DLG2: variants seen among roughly 807,000 people sequenced by gnomAD.
The protein encoded by DLG2 is discs large MAGUK scaffold protein 2.
Under a neutral mutation model 132.5 loss-of-function variants are expected in DLG2, and 45 were observed. The ratio of observed to expected loss-of-function variants is 0.34; its 90% CI spans 0.27 to 0.44. The LOEUF is 0.44. Ranked by LOEUF, DLG2 falls within the 20% of genes least tolerant of loss-of-function variation. The pLI is 1.00. For synonymous variants in DLG2, 424 were observed against 419.6 expected, an observed-to-expected ratio of 1.01 and a Z score of -0.13; for missense variants, 1,045 against 1,196.9, an observed-to-expected ratio of 0.87 and a Z score of 1.87.
intron 6 of DLG2, among the ~76,000 whole-genome samples, chr11:85,048,824 T>G (rs991678227): frequency 5.9e-5 from 9 of 152,010 alleles, no homozygotes; most frequent in African/African-American, 2.2e-4. Flanking sequence ...CATACTTAAA[T>G]TAAAACTATG....
At chr11:83,699,976 G>A (rs1457223194) in intron 18 of DLG2, among the ~76,000 whole-genome samples, 1 of 147,512 alleles carries the variant, frequency 6.8e-6, no homozygotes, top group African/African-American at 2.5e-5. Context: ...AATACAGTTT[G>A]CTGCATTTGC....
intron 6 of DLG2, among the ~76,000 whole-genome samples, chr11:85,049,797 A>C (rs528184590): frequency 1.3e-5 from 2 of 152,188 alleles, no homozygotes; most frequent in African/African-American, 4.8e-5. Flanking sequence ...TCCAGCATAT[A>C]AAGAGATGTA....
At chr11:84,641,168 A>AT (rs1425890499) in intron 6 of DLG2, among the ~76,000 whole-genome samples, 1 of 152,120 alleles carries the variant, frequency 6.6e-6, no homozygotes, top group East Asian at 1.9e-4. Context: ...TGCTTTCTGA[A>AT]TTTTAATCCC....
rs545722861 is a variant in DLG2, at chr11:85,497,788, G to C, written c.40+100869C>G. ...GGAGTCAATATTCAACATTCTTAAA[G>C]AAAAGAATTTTCAATCCAGAATTTC... On this transcript the variant is annotated intron_variant, in intron 3 of 27. Coordinates refer to ENST00000376104, the MANE Select transcript of DLG2 (RefSeq NM_001142699.3). Among the ~76,000 whole-genome samples the C allele has an allele frequency of 2.6e-5, 4 of 152,272 alleles. No homozygotes were observed. In the East Asian group the frequency reaches 5.8e-4, roughly 22 times the overall value.
intron 3 of DLG2, among the ~76,000 whole-genome samples, chr11:85,463,323 T>G (rs187692805): frequency 1.3e-5 from 2 of 152,236 alleles, no homozygotes; most frequent in Non-Finnish European, 2.9e-5. Context: ...GGCAATACTG[T>G]ATTTTTCTTG....
intron 19 of DLG2, among the ~76,000 whole-genome samples, chr11:83,556,463 C>T (rs1473948836): frequency 1.3e-5 from 2 of 151,780 alleles, no homozygotes; most frequent in African/African-American, 2.4e-5. Context: ...ACCTCCACCT[C>T]CCGGGTTCAA....
intron 15 of DLG2, among the ~76,000 whole-genome samples, chr11:83,905,167 A>G (rs1819097244): frequency 6.6e-6 from 1 of 152,192 alleles, no homozygotes; most frequent in Non-Finnish European, 1.5e-5. Context: ...AGCATATTAC[A>G]TGTCATATAA....
At chr11:84,268,607 G>A (rs991701690) in intron 7 of DLG2, among the ~76,000 whole-genome samples, 3 of 151,110 alleles carry the variant, frequency 2.0e-5, no homozygotes, top group South Asian at 2.1e-4. Flanking sequence ...GACTACAGGC[G>A]CATGCCACCA....
chr11:83,819,830 C>A (rs1248617597), intron 17 of DLG2, among the ~76,000 whole-genome samples: 2 of 152,116 alleles, frequency 1.3e-5, no homozygotes, highest in Admixed American at 6.6e-5. Flanking sequence ...GTCAGTCCAA[C>A]GTTGAAGAAG....
Position 83,830,975 on chromosome 11 carries a change from C to A in DLG2, c.1722+2639G>T, listed in dbSNP as rs191795513. Among the ~76,000 whole-genome samples the A allele has an allele frequency of 1.2e-4, 19 of 152,276 alleles. No individual in the cohort carries two copies. In the East Asian group the frequency reaches 3.3e-3, roughly 26 times the overall value. On this transcript the variant is annotated intron_variant, in intron 17 of 27. Coordinates refer to ENST00000376104, the MANE Select transcript of DLG2 (RefSeq NM_001142699.3). ...AATGTAAGCCAGGATGATGAAGATACGTTAGTATGCTTTAGGTAGAATTTT... is the reference window on the plus strand; with the variant it reads ...AATGTAAGCCAGGATGATGAAGATAAGTTAGTATGCTTTAGGTAGAATTTT...
intron 6 of DLG2, among the ~76,000 whole-genome samples, chr11:84,699,607 G>A (rs1184981890): frequency 6.6e-6 from 1 of 151,484 alleles, no homozygotes; most frequent in Non-Finnish European, 1.5e-5. Context: ...GAGCTCTGAT[G>A]TCTTGCTTAG....
intron 8 of DLG2, among the ~76,000 whole-genome samples, chr11:84,215,611 T>C (rs924689044): frequency 1.3e-5 from 2 of 152,162 alleles, no homozygotes; most frequent in African/African-American, 2.4e-5. Context: ...CCCATCTACA[T>C]GCTCATGAAA....
intron 6 of DLG2, among the ~76,000 whole-genome samples, chr11:85,095,371 T>A (rs1306214091): frequency 1.3e-5 from 2 of 152,200 alleles, no homozygotes; most frequent in Non-Finnish European, 2.9e-5. Flanking sequence ...GAAGGTGCAA[T>A]AAAATGAGTC....
chr11:84,673,601 TA>T (rs545722898), intron 6 of DLG2, among the ~76,000 whole-genome samples: 4,949 of 120,246 alleles, frequency 0.041, 245 homozygotes, highest in African/African-American at 0.12. Flanking sequence ...CCCTAGAATC[TA>T]AAAAAAAAAA....
intron 6 of DLG2, among the ~76,000 whole-genome samples, chr11:85,086,455 A>G (rs1355784282): frequency 6.6e-6 from 1 of 152,196 alleles, no homozygotes; most frequent in Non-Finnish European, 1.5e-5. Flanking sequence ...AATCTGTAAT[A>G]TGAAATCTGA....
rs375776597 is a variant in DLG2, at chr11:83,651,949, A to C, written c.1826-18624T>G. The C allele has an allele frequency of 4.7e-5, 21 of 448,160 alleles. No individual in the cohort carries two copies. The East Asian group carries it at 1.0e-3, about 22-fold the overall frequency. 27.8% of individuals were successfully genotyped at this position (448,160 alleles called of 1,614,324 possible). A position where few individuals can be genotyped will look rare whatever the true frequency, so the allele number is the denominator to read the frequency against. On this transcript the variant is annotated intron_variant, in intron 18 of 27. Transcript: ENST00000376104. Reference sequence around the variant, plus strand: ...TCGGCACCTTTGCAGAAAGTAAGAAACAAATCACCTGAAATCTACACACTT... The same window carrying C: ...TCGGCACCTTTGCAGAAAGTAAGAACCAAATCACCTGAAATCTACACACTT...
chr11:84,624,011 G>A (rs980843012), intron 6 of DLG2, among the ~76,000 whole-genome samples: 1 of 152,126 alleles, frequency 6.6e-6, no homozygotes, highest in African/African-American at 2.4e-5. Context: ...TGTACTCAGG[G>A]ATTATTTACT....
intron 9 of DLG2, among the ~76,000 whole-genome samples, chr11:84,153,141 T>C (rs2095344499): frequency 6.6e-6 from 1 of 152,208 alleles, no homozygotes; most frequent in African/African-American, 2.4e-5. Context: ...GAATGTCTTT[T>C]CTTTGAGGAT....
intron 6 of DLG2, among the ~76,000 whole-genome samples, chr11:84,900,729 A>G (rs2090780351): frequency 6.6e-6 from 1 of 152,074 alleles, no homozygotes; most frequent in Non-Finnish European, 1.5e-5. Context: ...TTCACTTTTC[A>G]CACATTTAAA....
Sources: allele counts gnomAD v4.1 joint callset (sites outside exome capture counted in the v4.1 genomes callset), GRCh38; gene constraint gnomAD v4.1.1; transcripts MANE v1.5; gene names NCBI Gene and HGNC (gene_info 2026-07-23, HGNC 2026-07-21).